Variants in GPAT3 observed in about 807,000 individuals in gnomAD.
GPAT3 encodes glycerol-3-phosphate acyltransferase 3.
A neutral mutation model predicts 58.8 loss-of-function variants in GPAT3; 53 were observed. The observed-to-expected ratio is 0.90, with a 90% CI of 0.72 to 1.13. GPAT3 has a LOEUF of 1.13. GPAT3 is among the 50% of genes most tolerant of loss of function. The probability of loss-of-function intolerance (pLI) is 0.00; values close to 1 mark genes in which losing one functional copy is unlikely to be tolerated. For missense variants in GPAT3, 511 were observed against 527.6 expected, an observed-to-expected ratio of 0.97 and a Z score of 0.31; for synonymous variants, 197 against 187.4, an observed-to-expected ratio of 1.05 and a Z score of -0.42.
chr4:83,594,491 T>G (rs1726736554), intron 6 of GPAT3, among the ~76,000 whole-genome samples: 1 of 152,210 alleles, frequency 6.6e-6, no homozygotes, highest in Admixed American at 6.5e-5. Flanking sequence ...CATAGACTTA[T>G]GTCAGAGTGT....
chr4:83,596,601 G>A (rs1438130665), intron 7 of GPAT3, among the ~76,000 whole-genome samples: 2 of 151,944 alleles, frequency 1.3e-5, no homozygotes, highest in Non-Finnish European at 2.9e-5. Context: ...CAGCCTGGAT[G>A]AAAGAGTGAG....
rs1726411352 is a variant in GPAT3, at chr4:83,587,293, T to C, written c.518T>C (p.Ile173Thr). 1.2e-6 allele frequency: 2 copies of C among 1,613,978 alleles called. No homozygotes were observed. The highest frequency in any genetic ancestry group is 1.3e-5 in the African/African-American group (1 of 74,932). The change falls in exon 4 of 12, where the codon ATA becomes ACA. Residue 173 changes from isoleucine (I) to threonine (T), a missense_variant. By Grantham distance (89) the Ile-to-Thr change is moderately conservative. Transcript: ENST00000264409. ...LAFIGISLLV[I>T]GTTLVGQLPD... is the part of the protein sequence containing the mutation. ...TTCATTGGGATCAGTTTGCTGGTTA[T>C]AGGAACTACACTGGTTGGGCAGCTG... is the stretch of plus-strand genomic sequence containing the variant.
intron 2 of GPAT3, among the ~76,000 whole-genome samples, chr4:83,544,862 C>T (rs946543300): frequency 4.0e-5 from 6 of 150,348 alleles, no homozygotes; most frequent in Non-Finnish European, 7.4e-5. Context: ...GATGGCTGTC[C>T]GTGGTTTTAA....
At chr4:83,537,621 G>GTATA (rs201713333) in intron 1 of GPAT3, among the ~76,000 whole-genome samples, 1 of 141,128 alleles carries the variant, frequency 7.1e-6, no homozygotes. Flanking sequence ...GTGTGTGTGT[G>GTATA]TGTGTATATT....
Position 83,604,887 on chromosome 4 carries a change from G to A in GPAT3, c.*120G>A. Reference sequence around the variant, plus strand: ...TGTTAATCTTTTCTACAGAATGATTGTCTCTACCTCTTTATGCCAGAGGCA... The same window carrying A: ...TGTTAATCTTTTCTACAGAATGATTATCTCTACCTCTTTATGCCAGAGGCA... On this transcript the variant is annotated 3_prime_UTR_variant, in exon 12 of 12. Coordinates refer to ENST00000264409, the MANE Select transcript of GPAT3 (RefSeq NM_032717.5). 1.2e-6 allele frequency: 1 copy of A among 858,958 alleles called. No individual in the cohort carries two copies. The highest frequency in any genetic ancestry group is 2.8e-5 in the Admixed American group (1 of 36,280). The allele number at this position is 858,958 out of a possible 1,614,324, so 53.2% of individuals were successfully genotyped here.
intron 1 of GPAT3, among the ~76,000 whole-genome samples, chr4:83,539,803 T>C (rs766268750): frequency 2.0e-5 from 3 of 152,228 alleles, no homozygotes; most frequent in African/African-American, 7.2e-5. Flanking sequence ...ATTTGTTGGA[T>C]ACGTATGTTA....
At chr4:83,598,536 A>G in intron 10 of GPAT3, 108 bp from the exon 11 acceptor site, 2 of 972,498 alleles carry the variant, frequency 2.1e-6, no homozygotes, top group East Asian at 2.5e-5. Flanking sequence ...AAAGCATTTG[A>G]GCTGAAATAT....
At chr4:83,542,763 C>T (rs769681175) in intron 1 of GPAT3, among the ~76,000 whole-genome samples, 12 of 150,420 alleles carry the variant, frequency 8.0e-5, no homozygotes, top group Non-Finnish European at 1.6e-4. Flanking sequence ...TTTGGGAGGC[C>T]GAGGCAGATG....
chr4:83,576,546 C>T (rs568387121), intron 2 of GPAT3, among the ~76,000 whole-genome samples: 2 of 151,964 alleles, frequency 1.3e-5, no homozygotes, highest in South Asian at 2.1e-4. Flanking sequence ...CCGATTCAAG[C>T]GATTCTCATG....
At chr4:83,561,888 T>C (rs940452525) in intron 2 of GPAT3, among the ~76,000 whole-genome samples, 1 of 151,912 alleles carries the variant, frequency 6.6e-6, no homozygotes, top group Admixed American at 6.6e-5. Flanking sequence ...TGTTCTTTAG[T>C]ACAAGCCTGA....
chr4:83,555,202 T>G (rs539774644), intron 2 of GPAT3, among the ~76,000 whole-genome samples: 3 of 152,284 alleles, frequency 2.0e-5, no homozygotes, highest in Admixed American at 2.0e-4. Flanking sequence ...TCCTAAAACC[T>G]TTGGCATCTC....
chr4:83,600,621 G>C (rs149525479), intron 11 of GPAT3, among the ~76,000 whole-genome samples: 5,769 of 152,108 alleles, frequency 0.038, 163 homozygotes, highest in South Asian at 0.058. Context: ...TCCTGCCTCA[G>C]CCTCCTGAGT....
intron 2 of GPAT3, among the ~76,000 whole-genome samples, chr4:83,580,117 G>T (rs1264316809): frequency 6.6e-6 from 1 of 152,126 alleles, no homozygotes; most frequent in Non-Finnish European, 1.5e-5. Context: ...ATTCTTTGAA[G>T]ACTTTCTCAT....
intron 2 of GPAT3, among the ~76,000 whole-genome samples, chr4:83,580,531 T>C (rs532915404): frequency 2.6e-5 from 4 of 152,322 alleles, no homozygotes; most frequent in South Asian, 4.1e-4. Context: ...AGCAAAACTA[T>C]CTTCAGTCTT....
chr4:83,588,780 C>T (rs549409815), intron 5 of GPAT3, among the ~76,000 whole-genome samples: 1 of 152,314 alleles, frequency 6.6e-6, no homozygotes, highest in African/African-American at 2.4e-5. Flanking sequence ...CTTAGTCCTG[C>T]TACTTCTAAA....
chr4:83,597,969 TG>T, intron 9 of GPAT3, 81 bp from the exon 10 acceptor site: 1 of 1,511,746 alleles, frequency 6.6e-7, no homozygotes, highest in Non-Finnish European at 9.0e-7. Context: ...TAAAGCTGTT[TG>T]GCCTACCACC....
intron 2 of GPAT3, among the ~76,000 whole-genome samples, chr4:83,544,960 C>T (rs1288288895): frequency 4.0e-5 from 6 of 151,860 alleles, no homozygotes; most frequent in South Asian, 2.1e-4. Flanking sequence ...ATTGAGGTTT[C>T]GTTAACCAAC....
chr4:83,535,803 C>T (rs1199747577), upstream of GPAT3: 2 of 985,466 alleles, frequency 2.0e-6, no homozygotes, highest in Non-Finnish European at 2.4e-6. Flanking sequence ...GTTTTCCTGT[C>T]CTTGGAAGCC....
At position 83,590,143 on chromosome 4, in the gene GPAT3, T is replaced by G; in HGVS notation, c.645-56T>G. 12 of 1,500,996 alleles carry G rather than the reference T, an allele frequency of 8.0e-6. No individual in the cohort carries two copies. In the South Asian group the frequency reaches 1.4e-4, roughly 17 times the overall value. The allele number at this position is 1,500,996 out of a possible 1,614,324, so 93.0% of individuals were successfully genotyped here. On this transcript the variant is annotated intron_variant, in intron 5 of 11. Coordinates refer to ENST00000264409, the MANE Select transcript of GPAT3 (RefSeq NM_032717.5). ...ACACTTAAAAAAGTAAGATGAGTAT[T>G]TACATGCTGTGGCTATTTTAGAAGA...
Sources: allele counts gnomAD v4.1 joint callset (sites outside exome capture counted in the v4.1 genomes callset), GRCh38; gene constraint gnomAD v4.1.1; transcripts MANE v1.5; gene names NCBI Gene and HGNC (gene_info 2026-07-23, HGNC 2026-07-21).